CLEC6A: variants seen among roughly 807,000 people sequenced by gnomAD.
The protein encoded by CLEC6A is C-type lectin domain family 6 member A.
Under a neutral mutation model 25.7 loss-of-function variants are expected in CLEC6A, and 22 were observed. That is an observed-to-expected ratio of 0.85 (90% CI 0.61 to 1.22). CLEC6A has a LOEUF of 1.22. CLEC6A is among the 50% of genes most tolerant of loss of function. The pLI is 0.00. For missense variants in CLEC6A, 240 were observed against 236.8 expected (o/e 1.01, Z -0.09); for synonymous variants, 92 against 76.7 (o/e 1.20, Z -1.04).
chr12:8,474,408 T>C (rs1004453523), intron 4 of CLEC6A, among the ~76,000 whole-genome samples: 3 of 152,234 alleles, frequency 2.0e-5, no homozygotes, highest in African/African-American at 7.2e-5. Context: ...CTAGATTCTC[T>C]ATTTTGTCCC....
chr12:8,462,977 A>G (rs1939782483), intron 3 of CLEC6A, among the ~76,000 whole-genome samples: 1 of 152,214 alleles, frequency 6.6e-6, no homozygotes, highest in South Asian at 2.1e-4. Flanking sequence ...TTGACTTTAA[A>G]AAACAAAAAT....
intron 4 of CLEC6A, among the ~76,000 whole-genome samples, chr12:8,474,447 G>A (rs2136366705): frequency 6.6e-6 from 1 of 152,320 alleles, no homozygotes; most frequent in African/African-American, 2.4e-5. Flanking sequence ...ATTTGTAGCA[G>A]TACTCTAATG....
chr12:8,468,953 G>GA (rs1024252851), intron 4 of CLEC6A, among the ~76,000 whole-genome samples: 5 of 151,950 alleles, frequency 3.3e-5, no homozygotes, highest in African/African-American at 1.2e-4. Flanking sequence ...TCAGACAAGA[G>GA]AAAAAAACCA....
At chr12:8,470,974 T>G (rs2136364336) in intron 4 of CLEC6A, among the ~76,000 whole-genome samples, 1 of 152,236 alleles carries the variant, frequency 6.6e-6, no homozygotes, top group African/African-American at 2.4e-5. Context: ...TTTCCTTCTG[T>G]TCCTTGTTTG....
At chr12:8,472,515 C>G (rs1939919276) in intron 4 of CLEC6A, among the ~76,000 whole-genome samples, 1 of 152,074 alleles carries the variant, frequency 6.6e-6, no homozygotes, top group African/African-American at 2.4e-5. Flanking sequence ...TGCATTGTGC[C>G]CCAGTATGAG....
intron 4 of CLEC6A, among the ~76,000 whole-genome samples, chr12:8,466,736 A>G (rs1939836129): frequency 6.6e-6 from 1 of 151,992 alleles, no homozygotes; most frequent in Admixed American, 6.6e-5. Flanking sequence ...GCTCACTGCA[A>G]CATCTGCCTC....
At chr12:8,475,928 C>A (rs981487848) in intron 4 of CLEC6A, among the ~76,000 whole-genome samples, 197 bp from the exon 5 acceptor site, 2 of 152,068 alleles carry the variant, frequency 1.3e-5, no homozygotes, top group Non-Finnish European at 2.9e-5. Flanking sequence ...GACAAGAATT[C>A]CTGTATTAGG....
Position 8,477,514 on chromosome 12 carries a change from C to T in CLEC6A, c.*50C>T. On this transcript the variant is annotated 3_prime_UTR_variant, in exon 6 of 6. Transcript: ENST00000382073. The stretch of plus-strand genomic sequence containing the variant: ...GAAGAATTACTGACGTAATTTTTTC[C>T]CTGACGTCTTTAAAATTGAACCCTA... 6.9e-7 allele frequency: 1 copy of T among 1,445,264 alleles called. No homozygotes were observed. Among genetic ancestry groups the T allele is most frequent in the East Asian group, 2.4e-5 (1 of 42,076 alleles). 89.5% of individuals were successfully genotyped at this position (1,445,264 alleles called of 1,614,324 possible).
At chr12:8,477,091 C>G (rs748844039) in intron 5 of CLEC6A, among the ~76,000 whole-genome samples, 75 of 152,156 alleles carry the variant, frequency 4.9e-4, no homozygotes, top group Non-Finnish European at 7.2e-4. Flanking sequence ...GCGGAAAGAT[C>G]TAGGAATAAA....
At chr12:8,463,087 A>G (rs1348353351) in intron 3 of CLEC6A, among the ~76,000 whole-genome samples, 2 of 150,796 alleles carry the variant, frequency 1.3e-5, no homozygotes, top group Non-Finnish European at 2.9e-5. Flanking sequence ...GTATTGTTTA[A>G]CAGTTGGATG....
chr12:8,461,178 T>A, intron 3 of CLEC6A: 2 of 1,187,652 alleles, frequency 1.7e-6, no homozygotes, highest in Non-Finnish European at 2.5e-6. Context: ...TTTGTGGTTC[T>A]CATCTGGCAG....
At chr12:8,462,738 G>A (rs1939778291) in intron 3 of CLEC6A, among the ~76,000 whole-genome samples, 1 of 151,832 alleles carries the variant, frequency 6.6e-6, no homozygotes. Flanking sequence ...AATACTAAGG[G>A]AACTCAGAGG....
intron 4 of CLEC6A, among the ~76,000 whole-genome samples, chr12:8,466,662 GT>G (rs59520151): frequency 4.8e-5 from 7 of 147,060 alleles, no homozygotes; most frequent in African/African-American, 1.5e-4. Flanking sequence ...GTGTTGTTTT[GT>G]TTTTTTTTTT....
chr12:8,456,141 A>G lies in CLEC6A; in HGVS notation c.30A>G (p.Thr10=). 1 of 1,613,776 alleles carries G rather than the reference A, an allele frequency of 6.2e-7. No homozygotes were observed. Among genetic ancestry groups the G allele is most frequent in the Non-Finnish European group, 8.5e-7 (1 of 1,179,792 alleles). The change falls in exon 1 of 6, where the codon ACA becomes ACG. Residue 10 remains threonine, a splice_region_variant and synonymous_variant. Coordinates refer to ENST00000382073, the MANE Select transcript of CLEC6A (RefSeq NM_001007033.2). ...TGCAAGAGCAGCAACCTCAAAGTACAGGTGAGTATTTCCTCAGTTTCAGAG... is the reference window on the plus strand; with the variant it reads ...TGCAAGAGCAGCAACCTCAAAGTACGGGTGAGTATTTCCTCAGTTTCAGAG... MMQEQQPQS[T]EKRGWLSLRL...
At chr12:8,458,615 C>T (rs1376494518) in intron 2 of CLEC6A, among the ~76,000 whole-genome samples, 1 of 152,096 alleles carries the variant, frequency 6.6e-6, no homozygotes, top group Non-Finnish European at 1.5e-5. Context: ...AAAGTGACTT[C>T]CCCTGTCAAT....
At chr12:8,467,308 G>T (rs910812048) in intron 4 of CLEC6A, among the ~76,000 whole-genome samples, 1 of 151,996 alleles carries the variant, frequency 6.6e-6, no homozygotes, top group Non-Finnish European at 1.5e-5. Flanking sequence ...TTTCTTCCTG[G>T]AGTTTTACAG....
At chr12:8,471,673 T>C (rs961842769) in intron 4 of CLEC6A, among the ~76,000 whole-genome samples, 5 of 152,140 alleles carry the variant, frequency 3.3e-5, no homozygotes, top group Admixed American at 3.3e-4. Flanking sequence ...CTTTCCTTTT[T>C]CTTACTTAGT....
intron 5 of CLEC6A, among the ~76,000 whole-genome samples, 186 bp downstream of exon 5, chr12:8,476,426 T>C (rs893578299): frequency 2.0e-5 from 3 of 152,096 alleles, no homozygotes; most frequent in African/African-American, 7.2e-5. Context: ...ATTTTACAGA[T>C]AAAAAATTAA....
chr12:8,459,012 T>C (rs1195263483), intron 2 of CLEC6A, among the ~76,000 whole-genome samples: 2 of 152,196 alleles, frequency 1.3e-5, no homozygotes, highest in African/African-American at 2.4e-5. Flanking sequence ...ACTTAGCCCA[T>C]ATGTTTATGT....
Sources: allele counts gnomAD v4.1 joint callset (sites outside exome capture counted in the v4.1 genomes callset), GRCh38; gene constraint gnomAD v4.1.1; transcripts MANE v1.5; gene names NCBI Gene and HGNC (gene_info 2026-07-23, HGNC 2026-07-21).